KHDRBS2: variants seen among roughly 807,000 people sequenced by gnomAD.
KHDRBS2 encodes KH RNA binding domain containing, signal transduction associated 2, also known as KH domain-containing, RNA-binding, signal transduction-associated protein 2.
In KHDRBS2, 26 loss-of-function variants were observed where a neutral mutation model predicts 44.3. The observed-to-expected ratio is 0.59, with a 90% CI of 0.43 to 0.81. KHDRBS2 has a LOEUF of 0.81. Ranked by LOEUF, KHDRBS2 falls within the 40% of genes least tolerant of loss-of-function variation. The pLI, the probability that KHDRBS2 is intolerant of heterozygous loss-of-function variation, is 0.00. For missense variants in KHDRBS2, 476 were observed against 433.1 expected (o/e 1.10, Z -0.88); for synonymous variants, 194 against 151.1 (o/e 1.28, Z -2.08).
intron 2 of KHDRBS2, among the ~76,000 whole-genome samples, chr6:62,147,328 A>G (rs1814163600): frequency 1.3e-5 from 2 of 152,030 alleles, no homozygotes; most frequent in African/African-American, 4.8e-5. Flanking sequence ...GAGCTTCCTT[A>G]AATCTGCCAA....
chr6:61,601,664 T>C, the KHDRBS2 span, among the ~76,000 whole-genome samples: 1 of 151,990 alleles, frequency 6.6e-6, no homozygotes, highest in African/African-American at 2.4e-5. Context: ...GTCCCCTCAG[T>C]CCTAACCCCA....
intron 3 of KHDRBS2, among the ~76,000 whole-genome samples, chr6:61,989,145 G>A (rs1775638744): frequency 6.6e-6 from 1 of 152,122 alleles, no homozygotes; most frequent in Non-Finnish European, 1.5e-5. Context: ...GTAATTATAA[G>A]TGCTTTCTCC....
At chr6:62,156,169 G>A (rs1394504703) in intron 2 of KHDRBS2, among the ~76,000 whole-genome samples, 1 of 152,074 alleles carries the variant, frequency 6.6e-6, no homozygotes, top group Non-Finnish European at 1.5e-5. Flanking sequence ...CTCAGGTACC[G>A]AATCACTGTG....
chr6:62,134,051 C>A (rs1810953123), intron 2 of KHDRBS2, among the ~76,000 whole-genome samples: 1 of 152,164 alleles, frequency 6.6e-6, no homozygotes, highest in South Asian at 2.1e-4. Flanking sequence ...TTCAAGCTGG[C>A]TGCATAAATT....
At chr6:61,980,887 A>T (rs1238131196) in intron 3 of KHDRBS2, among the ~76,000 whole-genome samples, 2 of 152,204 alleles carry the variant, frequency 1.3e-5, no homozygotes, top group Non-Finnish European at 2.9e-5. Context: ...GTCTTTGTGT[A>T]CTACAGTTCA....
At chr6:62,247,064 T>C (rs1310076132) in intron 1 of KHDRBS2, among the ~76,000 whole-genome samples, 1 of 152,010 alleles carries the variant, frequency 6.6e-6, no homozygotes, top group Non-Finnish European at 1.5e-5. Flanking sequence ...GGGAAGCAGA[T>C]TTCCTCTTAA....
chr6:62,267,208 G>C (rs1157165031), intron 1 of KHDRBS2, among the ~76,000 whole-genome samples: 1 of 152,138 alleles, frequency 6.6e-6, no homozygotes, highest in East Asian at 1.9e-4. Flanking sequence ...TTTCTCAAGA[G>C]ACCAAGGTCA....
the KHDRBS2 span, among the ~76,000 whole-genome samples, chr6:61,552,249 C>A: frequency 6.6e-6 from 1 of 151,264 alleles, no homozygotes; most frequent in Non-Finnish European, 1.5e-5. Flanking sequence ...TAACTGTATT[C>A]CTTGGTGTTA....
intron 2 of KHDRBS2, among the ~76,000 whole-genome samples, chr6:62,060,591 GTCTC>G (rs142998625): frequency 0.075 from 10,946 of 145,732 alleles, 424 homozygotes; most frequent in African/African-American, 0.083. Flanking sequence ...AATAGTAAAG[GTCTC>G]TCTCTCTCTC....
intron 6 of KHDRBS2, among the ~76,000 whole-genome samples, chr6:61,769,595 C>T (rs543362447): frequency 2.0e-5 from 3 of 152,014 alleles, no homozygotes; most frequent in Admixed American, 6.6e-5. Flanking sequence ...GCACAGCAGT[C>T]CAAGATCAAA....
the KHDRBS2 span, among the ~76,000 whole-genome samples, chr6:61,627,252 C>CAAAAA: frequency 3.9e-5 from 3 of 76,120 alleles, no homozygotes; most frequent in Non-Finnish European, 4.8e-5. Flanking sequence ...GACTCCGTCT[C>CAAAAA]AAAAAAAAAA....
At position 61,680,879 on chromosome 6, in the gene KHDRBS2, A is replaced by G; in HGVS notation, c.*84T>C. ...ATAGAAACAAACAAACAAAAAAAGG[A>G]CTATTACTTGTCTTGTTGCTGTTTA... is the stretch of plus-strand genomic sequence containing the variant. On this transcript the variant is annotated 3_prime_UTR_variant, in exon 9 of 9. Coordinates refer to ENST00000281156, the MANE Select transcript of KHDRBS2 (RefSeq NM_152688.4). 1 of 774,958 alleles carries G rather than the reference A, an allele frequency of 1.3e-6. No individual in the cohort carries two copies. The allele number at this position is 774,958 out of a possible 1,614,324, so 48.0% of individuals were successfully genotyped here. A position where few individuals can be genotyped will look rare whatever the true frequency, so the allele number is the denominator to read the frequency against.
the KHDRBS2 span, among the ~76,000 whole-genome samples, chr6:61,567,660 A>C: frequency 9.9e-5 from 15 of 151,792 alleles, no homozygotes; most frequent in Admixed American, 5.3e-4. Context: ...CAAACAAACA[A>C]AAAAAAGGAT....
At chr6:61,929,691 CA>C (rs1372241408) in intron 4 of KHDRBS2, among the ~76,000 whole-genome samples, 2 of 151,996 alleles carry the variant, frequency 1.3e-5, no homozygotes, top group African/African-American at 4.8e-5. Flanking sequence ...TGAAATATAA[CA>C]AAAAACACAC....
intron 6 of KHDRBS2, among the ~76,000 whole-genome samples, chr6:61,741,472 A>G (rs1776126429): frequency 6.6e-6 from 1 of 151,946 alleles, no homozygotes; most frequent in Non-Finnish European, 1.5e-5. Flanking sequence ...TTTAAAAAAT[A>G]ATTTCAACTT....
the KHDRBS2 span, among the ~76,000 whole-genome samples, chr6:61,658,447 C>G: frequency 6.6e-6 from 1 of 151,838 alleles, no homozygotes; most frequent in Admixed American, 6.6e-5. Flanking sequence ...CAAATCCTAT[C>G]TCTTCTCTAA....
chr6:62,012,636 G>A (rs978820379), intron 3 of KHDRBS2, among the ~76,000 whole-genome samples: 5 of 152,006 alleles, frequency 3.3e-5, no homozygotes, highest in African/African-American at 1.2e-4. Context: ...CCTTCCTTTT[G>A]GTCTTTGCAT....
At position 61,894,620 on chromosome 6, in the gene KHDRBS2, C is replaced by T. The variant is rs1319165031; in HGVS notation, c.810+15G>A. 5 of 1,600,292 alleles carry T rather than the reference C, an allele frequency of 3.1e-6. No individual in the cohort carries two copies. In the African/African-American group the frequency reaches 4.0e-5, roughly 13 times the overall value. On this transcript the variant is annotated intron_variant, in intron 6 of 8. Transcript: ENST00000281156. ...TTTAACTCATCCTTACAACTTATTT[C>T]TTAAGAGTACTTACATATTCTTCAT...
At chr6:61,869,974 T>TGTTTGTTTG (rs76495122) in intron 6 of KHDRBS2, among the ~76,000 whole-genome samples, 48,741 of 148,268 alleles carry the variant, frequency 0.33, 8,443 homozygotes, top group South Asian at 0.37. Flanking sequence ...GTTTTTTTTT[T>TGTTTGTTTG]TTTTTTTTTT....
Sources: allele counts gnomAD v4.1 joint callset (sites outside exome capture counted in the v4.1 genomes callset), GRCh38; gene constraint gnomAD v4.1.1; transcripts MANE v1.5; gene names NCBI Gene and HGNC (gene_info 2026-07-23, HGNC 2026-07-21).